SOX30: variants seen among roughly 807,000 people sequenced by gnomAD.
SOX30 encodes SRY-box transcription factor 30.
Under a neutral mutation model 58.6 loss-of-function variants are expected in SOX30, and 17 were observed. The ratio of observed to expected loss-of-function variants is 0.29; its 90% CI spans 0.20 to 0.44. The LOEUF (loss-of-function observed/expected upper bound fraction) is 0.44, where lower values mean the gene tolerates loss of function less well. Ranked by LOEUF, SOX30 falls within the 20% of genes least tolerant of loss-of-function variation. The probability of loss-of-function intolerance (pLI) is 1.00; values close to 1 mark genes in which losing one functional copy is unlikely to be tolerated. For missense variants in SOX30, 951 were observed against 965.8 expected (o/e 0.98, Z 0.20); for synonymous variants, 421 against 400.2 (o/e 1.05, Z -0.62).
At position 157,626,715 on chromosome 5, in the gene SOX30, G is replaced by C. The variant is rs1758666225; in HGVS notation, c.1887C>G (p.Cys629Trp). 1.3e-6 allele frequency: 2 copies of C among 1,597,152 alleles called. No homozygotes were observed. Among genetic ancestry groups the C allele is most frequent in the East Asian group, 4.5e-5 (2 of 44,796 alleles). ...AGCCAAAGGGAGGCCGACTGTAAGG[G>C]CATGTACTGCAGCAGAAAAACACAA... The part of the protein sequence containing the change: ...PGPHYFPSST[C>W]PYSRPPFGYG... Residue 629 changes from cysteine to tryptophan, a missense_variant, in exon 5 of 5, where the codon TGC (cysteine) becomes TGG (tryptophan). This residue lies in a region of SOX30 where 381 missense variants were observed against 390.0 expected (regional missense o/e 0.98). Coordinates refer to ENST00000265007, the MANE Select transcript of SOX30 (RefSeq NM_178424.2).
At chr5:157,670,464 G>T (rs769252876) in intron 1 of SOX30, among the ~76,000 whole-genome samples, 18 of 152,194 alleles carry the variant, frequency 1.2e-4, no homozygotes, top group Non-Finnish European at 1.8e-4. Context: ...TTGGCACAGA[G>T]TAAGCCCTCT....
chr5:157,626,278 T>A lies in SOX30; in HGVS notation c.*62A>T. The A allele has an allele frequency of 7.2e-7, 1 of 1,385,394 alleles. No homozygotes were observed. The highest frequency in any genetic ancestry group is 9.7e-7 in the Non-Finnish European group (1 of 1,031,492). 85.8% of individuals were successfully genotyped at this position (1,385,394 alleles called of 1,614,324 possible). ...GAATTCTAGGCTTTTTTTTTTCTCA[T>A]ACCAACTGACCCAGAATATATTTTA... On this transcript the variant is annotated 3_prime_UTR_variant, in exon 5 of 5. Coordinates refer to ENST00000265007, the MANE Select transcript of SOX30 (RefSeq NM_178424.2).
intron 1 of SOX30, among the ~76,000 whole-genome samples, chr5:157,649,958 G>A (rs1759288245): frequency 6.6e-6 from 1 of 152,072 alleles, no homozygotes; most frequent in South Asian, 2.1e-4. Context: ...GCTCACACCT[G>A]TAACCTCAGT....
upstream of SOX30, among the ~76,000 whole-genome samples, chr5:157,653,025 A>G (rs146095848): frequency 2.5e-3 from 381 of 152,338 alleles, 5 homozygotes; most frequent in African/African-American, 8.7e-3. Context: ...TACTACTGCT[A>G]CTATTAGATT....
chr5:157,631,689 C>T (rs925681751), intron 4 of SOX30, among the ~76,000 whole-genome samples: 3 of 150,076 alleles, frequency 2.0e-5, no homozygotes, highest in South Asian at 2.1e-4. Flanking sequence ...TGCTCGAACC[C>T]GGGAGGCTGA....
At chr5:157,652,994 G>A (rs1019267557), upstream of SOX30, among the ~76,000 whole-genome samples, 1 of 152,184 alleles carries the variant, frequency 6.6e-6, no homozygotes, top group Non-Finnish European at 1.5e-5. Context: ...AAATCCCCCA[G>A]TGGCTTGGGA....
chr5:157,651,680 C>A lies in SOX30; in HGVS notation c.399G>T (p.Leu133=), dbSNP rs745455006. 15 of 1,606,014 alleles carry A rather than the reference C, an allele frequency of 9.3e-6. No homozygotes were observed. The highest frequency in any genetic ancestry group is 1.3e-5 in the Non-Finnish European group (15 of 1,177,158). Residue 133 remains leucine, a synonymous_variant, in exon 1 of 5, where the codon CTG becomes CTT. Transcript: ENST00000265007. ...PELHPVQPLA[L]HVKAKKQKLG... is the part of the protein sequence containing the mutation. The stretch of plus-strand genomic sequence containing the variant: ...GCTTCTGCTTCTTGGCCTTGACATG[C>A]AGCGCCAGGGGCTGCACCGGGTGCA...
At chr5:157,639,185 G>A (rs1310197329) in intron 3 of SOX30, among the ~76,000 whole-genome samples, 6 of 151,964 alleles carry the variant, frequency 3.9e-5, no homozygotes, top group Non-Finnish European at 7.4e-5. Flanking sequence ...TACCTTTAAG[G>A]AGCCATGATC....
chr5:157,651,942 G>T lies in SOX30; in HGVS notation c.137C>A (p.Ala46Glu). The T allele has an allele frequency of 6.7e-7, 1 of 1,492,660 alleles. No individual in the cohort carries two copies. 92.5% of individuals were successfully genotyped at this position (1,492,660 alleles called of 1,614,324 possible). The change falls in exon 1 of 5, where the codon GCA becomes GAA. Residue 46 changes from alanine to glutamate, a missense_variant. Coordinates refer to ENST00000265007, the MANE Select transcript of SOX30 (RefSeq NM_178424.2). ...CGACGAGGCCAAGGTCGCACTGGCT[G>T]CCGCGCTCAGTGTGGGAGACGACGG... The part of the protein sequence containing the change: ...PPPSSPTLSA[A>E]ASATLASSCG...
intron 3 of SOX30, among the ~76,000 whole-genome samples, chr5:157,646,185 T>C (rs1581397899): frequency 6.6e-6 from 1 of 152,114 alleles, no homozygotes; most frequent in Non-Finnish European, 1.5e-5. Context: ...CAAACAAATA[T>C]TTGGTAGAAA....
chr5:157,645,191 T>C (rs1365379026), intron 3 of SOX30, among the ~76,000 whole-genome samples: 2 of 151,986 alleles, frequency 1.3e-5, no homozygotes, highest in Non-Finnish European at 2.9e-5. Context: ...TTGCTATCAA[T>C]TGCTAAAATG....
At chr5:157,660,852 G>A (rs1172100157) in intron 2 of SOX30, among the ~76,000 whole-genome samples, 1 of 152,068 alleles carries the variant, frequency 6.6e-6, no homozygotes, top group Non-Finnish European at 1.5e-5. Flanking sequence ...AACCCTAATG[G>A]TATTTAGATA....
intron 2 of SOX30, among the ~76,000 whole-genome samples, chr5:157,667,405 T>C (rs1204697288): frequency 6.6e-6 from 1 of 152,182 alleles, no homozygotes; most frequent in Non-Finnish European, 1.5e-5. Context: ...ACCAAATGCA[T>C]TGTACTGCTT....
At position 157,652,340 on chromosome 5, in the gene SOX30, C is replaced by G. The variant is rs1759378718; in HGVS notation, c.-262G>C. Reference sequence around the variant, plus strand: ...CTCGAATCACCTGCCATGGTAGGAGCCGCCGCACTTGTTGCACATTTTCGT... The same window carrying G: ...CTCGAATCACCTGCCATGGTAGGAGGCGCCGCACTTGTTGCACATTTTCGT... On this transcript the variant is annotated 5_prime_UTR_variant, in exon 1 of 5. Coordinates refer to ENST00000265007, the MANE Select transcript of SOX30 (RefSeq NM_178424.2). 4.2e-6 allele frequency: 5 copies of G among 1,202,478 alleles called. No homozygotes were observed. The highest frequency in any genetic ancestry group is 5.2e-6 in the Non-Finnish European group (5 of 970,124). 74.5% of individuals were successfully genotyped at this position (1,202,478 alleles called of 1,614,324 possible).
chr5:157,646,702 G>C lies in SOX30; in HGVS notation c.1322C>G (p.Pro441Arg). ...CACAGAGTACGTAGGTGAGCGGTAA[G>C]GATAAACTGTTGTAGGATTTGTAGA... ...IISTNPTTVY[P>R]YRSPTYSVVI... Residue 441 changes from proline (P) to arginine (R), a missense_variant, in exon 3 of 5, where the codon CCT becomes CGT. Physicochemically the swap from Pro to Arg is moderately radical, Grantham distance 103 (BLOSUM62 -2). Transcript: ENST00000265007. 3 of 1,613,492 alleles carry C rather than the reference G, an allele frequency of 1.9e-6. No homozygotes were observed. The highest frequency in any genetic ancestry group is 2.5e-6 in the Non-Finnish European group (3 of 1,179,454).
Position 157,638,346 on chromosome 5 carries a change from G to T in SOX30, c.1764C>A (p.His588Gln), listed in dbSNP as rs1462355944. ...GGGGAGGGGGCTGGTAGACATGTGGGTGTGGAATGGGAGAAGCCTGGGGGA... is the reference window on the plus strand; with the variant it reads ...GGGGAGGGGGCTGGTAGACATGTGGTTGTGGAATGGGAGAAGCCTGGGGGA... ...APIPQASPIP[H>Q]PHVYQPPPLG... is the part of the protein sequence containing the mutation. Residue 588 changes from histidine (H) to glutamine (Q), a missense_variant, in exon 4 of 5, where the codon CAC (histidine) becomes CAA (glutamine). By Grantham distance (24) the His-to-Gln change is conservative (BLOSUM62 0). This residue lies in a region of SOX30 where 381 missense variants were observed against 390.0 expected (regional missense o/e 0.98). Transcript: ENST00000265007. The T allele has an allele frequency of 6.2e-7, 1 of 1,613,386 alleles. No homozygotes were observed. Among genetic ancestry groups the T allele is most frequent in the African/African-American group, 1.3e-5 (1 of 74,892 alleles).
chr5:157,638,422 T>G lies in SOX30; in HGVS notation c.1688A>C (p.Gln563Pro), dbSNP rs73306857. 5,195 of 1,614,044 alleles carry G rather than the reference T, an allele frequency of 3.2e-3. 154 individuals carry two copies. The African/African-American group carries it at 0.063, about 20-fold the overall frequency. The change falls in exon 4 of 5, where the codon CAA becomes CCA. Residue 563 changes from glutamine (Q) to proline (P), a missense_variant. Physicochemically the swap from Gln to Pro is moderately conservative, Grantham distance 76 (BLOSUM62 -1). Transcript: ENST00000265007. Reference sequence around the variant, plus strand: ...AACGCTGGAATACTCCCTAGGAGGTTGGATGGTCGAAGTTGCAAATCTGGC... The same window carrying G: ...AACGCTGGAATACTCCCTAGGAGGTGGGATGGTCGAAGTTGCAAATCTGGC... ...AHARFATSTI[Q>P]PPREYSSVSP... is the part of the protein sequence containing the mutation.
chr5:157,643,369 G>A (rs1186229774), intron 3 of SOX30, among the ~76,000 whole-genome samples: 2 of 152,124 alleles, frequency 1.3e-5, no homozygotes, highest in Non-Finnish European at 2.9e-5. Context: ...GCAGTGAGCT[G>A]AGGTCGCGCC....
upstream of SOX30, among the ~76,000 whole-genome samples, chr5:157,656,138 A>G (rs980724737): frequency 8.6e-5 from 13 of 151,880 alleles, no homozygotes; most frequent in Non-Finnish European, 4.4e-5. Context: ...TGAGTCCTTT[A>G]TCTTTTGTCT....
Sources: allele counts gnomAD v4.1 joint callset (sites outside exome capture counted in the v4.1 genomes callset), GRCh38; gene constraint gnomAD v4.1.1; regional missense constraint gnomAD v4.1.1; transcripts MANE v1.5; gene names NCBI Gene and HGNC (gene_info 2026-07-23, HGNC 2026-07-21).